The following REC114 variants were observed in gnomAD, a reference collection of about 807,000 sequenced individuals.
REC114 encodes the protein REC114 meiotic recombination protein.
In REC114, 27 loss-of-function variants were observed where a neutral mutation model predicts 31.3. The ratio of observed to expected loss-of-function variants is 0.86; its 90% CI spans 0.64 to 1.19. The LOEUF (loss-of-function observed/expected upper bound fraction) is 1.19, where lower values mean the gene tolerates loss of function less well. Ranked by LOEUF, REC114 falls within the 50% of genes most tolerant of loss-of-function variation. The pLI is 0.00. For synonymous variants in REC114, 134 were observed against 127.7 expected, an observed-to-expected ratio of 1.05 and a Z score of -0.33; for missense variants, 344 against 326.9, an observed-to-expected ratio of 1.05 and a Z score of -0.40.
intron 2 of REC114, among the ~76,000 whole-genome samples, chr15:73,534,215 C>CA (rs1487426800): frequency 1.3e-5 from 2 of 151,874 alleles, no homozygotes; most frequent in Non-Finnish European, 2.9e-5. Flanking sequence ...AATAGAGATA[C>CA]AAAAAACCCT....
chr15:73,501,167 A>C (rs1474801407), intron 2 of REC114, among the ~76,000 whole-genome samples: 1 of 152,210 alleles, frequency 6.6e-6, no homozygotes, highest in African/African-American at 2.4e-5. Context: ...AAAATAACAC[A>C]ATTTTTGCTA....
chr15:73,455,496 G>T (rs1363450163), intron 1 of REC114, among the ~76,000 whole-genome samples: 1 of 151,996 alleles, frequency 6.6e-6, no homozygotes, highest in Non-Finnish European at 1.5e-5. Context: ...TATATGCTGA[G>T]ACAAAAATGT....
At chr15:73,471,667 A>G (rs898392790) in intron 1 of REC114, among the ~76,000 whole-genome samples, 6 of 152,166 alleles carry the variant, frequency 3.9e-5, no homozygotes, top group Non-Finnish European at 7.4e-5. Context: ...ATAATTTGGG[A>G]AAAATAGAAA....
At chr15:73,552,236 G>C (rs745356552) in intron 4 of REC114, among the ~76,000 whole-genome samples, 3 of 152,112 alleles carry the variant, frequency 2.0e-5, no homozygotes, top group Non-Finnish European at 4.4e-5. Flanking sequence ...ATCTGAACAG[G>C]CTATTCTAAA....
chr15:73,558,563 A>G (rs938014599), intron 5 of REC114, among the ~76,000 whole-genome samples: 3 of 152,272 alleles, frequency 2.0e-5, no homozygotes, highest in South Asian at 2.1e-4. Flanking sequence ...GATGCTCAAC[A>G]TTATTAGTCA....
At position 73,473,863 on chromosome 15, in the gene REC114, T is replaced by C; in HGVS notation, c.191T>C (p.Leu64Pro). 6.3e-7 allele frequency: 1 copy of C among 1,585,802 alleles called. No homozygotes were observed. The part of the protein sequence containing the change: ...VFDSNEESGY[L>P]VLTIVISGHF... ...GATTCCAATGAAGAATCTGGATATC[T>C]TGTTCTCACCATAGTTATATCAGGT... is the stretch of plus-strand genomic sequence containing the variant. Residue 64 changes from leucine to proline, a missense_variant, in exon 2 of 6, where the codon CTT becomes CCT. Transcript: ENST00000331090.
chr15:73,521,145 T>A (rs1458855039), intron 2 of REC114, among the ~76,000 whole-genome samples: 2 of 152,138 alleles, frequency 1.3e-5, no homozygotes, highest in Non-Finnish European at 2.9e-5. Flanking sequence ...TAAAAATACT[T>A]AAGAAACGGA....
intron 2 of REC114, among the ~76,000 whole-genome samples, chr15:73,539,048 G>A (rs117791165): frequency 4.1e-4 from 63 of 151,952 alleles, no homozygotes; most frequent in South Asian, 1.9e-3. Flanking sequence ...ATTGCCCTCC[G>A]TAAGCATTGT....
At chr15:73,459,423 G>A (rs963740367) in intron 1 of REC114, among the ~76,000 whole-genome samples, 3 of 151,620 alleles carry the variant, frequency 2.0e-5, no homozygotes, top group Admixed American at 6.6e-5. Context: ...CAGTAGAGAC[G>A]GTTTCACCAT....
At chr15:73,544,918 T>C (rs549137847) in intron 3 of REC114, among the ~76,000 whole-genome samples, 2 of 152,180 alleles carry the variant, frequency 1.3e-5, no homozygotes, top group Non-Finnish European at 1.5e-5. Flanking sequence ...CACTGGGTTT[T>C]TATGAGGCCT....
At chr15:73,471,365 G>T (rs556189038) in intron 1 of REC114, among the ~76,000 whole-genome samples, 1 of 151,700 alleles carries the variant, frequency 6.6e-6, no homozygotes, top group African/African-American at 2.4e-5. Flanking sequence ...TGGAAGGAAA[G>T]AATTAATTTC....
At chr15:73,496,619 C>T (rs185876428) in intron 2 of REC114, among the ~76,000 whole-genome samples, 3 of 149,354 alleles carry the variant, frequency 2.0e-5, no homozygotes, top group African/African-American at 7.4e-5. Context: ...CGCAACTGCA[C>T]TCCAGGCTGG....
rs142034884 is a variant in REC114, at chr15:73,455,769, A to G, written c.159+12425A>G. ...AACACGCATGCACACTGAAAACCCA[A>G]TGGTTTAGAGCTGTGCTACCCAGAC... On this transcript the variant is annotated intron_variant, in intron 1 of 5. Coordinates refer to ENST00000331090, the MANE Select transcript of REC114 (RefSeq NM_001042367.2). 2.6e-3 allele frequency among the ~76,000 whole-genome samples: 401 copies of G among 152,252 alleles called. 1 individual carries two copies. The highest frequency in any genetic ancestry group is 4.1e-3 in the Non-Finnish European group (279 of 68,000).
chr15:73,483,050 G>A (rs180807249), intron 2 of REC114: 6 of 152,124 alleles, frequency 3.9e-5, no homozygotes, highest in Non-Finnish European at 8.8e-5. Context: ...CTTAGCGGGT[G>A]TAAGGTGGTA....
rs56690670 is a variant in REC114, at chr15:73,527,892, A to G, written c.250-12593A>G. Among the ~76,000 whole-genome samples, 1,118 of 152,324 alleles carry G rather than the reference A, an allele frequency of 7.3e-3. 14 individuals are homozygous for G. Among genetic ancestry groups the G allele is most frequent in the African/African-American group, 0.025 (1,055 of 41,564 alleles). On this transcript the variant is annotated intron_variant, in intron 2 of 5. Coordinates refer to ENST00000331090, the MANE Select transcript of REC114 (RefSeq NM_001042367.2). ...ATGTCGTTATCTATACGGGGGGGAA[A>G]AAAAGGCATTTCAGCTTCTGATACC... is the stretch of plus-strand genomic sequence containing the variant.
intron 2 of REC114, among the ~76,000 whole-genome samples, chr15:73,533,973 T>C (rs1894121085): frequency 9.2e-6 from 1 of 108,258 alleles, no homozygotes; most frequent in Non-Finnish European, 1.9e-5. Flanking sequence ...GAAATAAAGA[T>C]GTTCTTTGAA....
At chr15:73,454,911 T>G (rs1009177826) in intron 1 of REC114, among the ~76,000 whole-genome samples, 3 of 152,242 alleles carry the variant, frequency 2.0e-5, no homozygotes, top group Non-Finnish European at 4.4e-5. Flanking sequence ...ATTTTTTTAC[T>G]TCTCTTTGCA....
intron 4 of REC114, among the ~76,000 whole-genome samples, chr15:73,555,923 G>A (rs1210675536): frequency 6.6e-6 from 1 of 152,094 alleles, no homozygotes; most frequent in African/African-American, 2.4e-5. Context: ...CAGAAGCTGG[G>A]GTCCGTCCAC....
intron 1 of REC114, among the ~76,000 whole-genome samples, chr15:73,462,395 T>A (rs1016195609): frequency 6.6e-6 from 1 of 152,190 alleles, no homozygotes; most frequent in African/African-American, 2.4e-5. Flanking sequence ...TCGGTAGAAT[T>A]AGGACATTAT....
Sources: allele counts gnomAD v4.1 joint callset (sites outside exome capture counted in the v4.1 genomes callset), GRCh38; gene constraint gnomAD v4.1.1; transcripts MANE v1.5; gene names NCBI Gene and HGNC (gene_info 2026-07-23, HGNC 2026-07-21).